Variants in OGT observed in about 807,000 individuals in gnomAD.
The protein encoded by OGT is UDP-N-acetylglucosamine--peptide N-acetylglucosaminyltransferase 110 kDa subunit.
A neutral mutation model predicts 75.8 loss-of-function variants in OGT; 3 were observed. The observed-to-expected ratio is 0.04, with a 90% CI of 0.02 to 0.10. The LOEUF is 0.10. Among genes scored for constraint, OGT ranks in the 10% least tolerant of loss-of-function variants. The pLI is 1.00. For missense variants in OGT, 260 were observed against 824.4 expected (o/e 0.32, Z 8.38); for synonymous variants, 257 against 289.7 (o/e 0.89, Z 1.15).
intron 3 of OGT, among the ~76,000 whole-genome samples, chrX:71,538,588 C>T (rs2040196306): frequency 8.9e-6 from 1 of 112,102 alleles, no homozygotes; most frequent in South Asian, 3.6e-4. Flanking sequence ...ACTACTTATA[C>T]TGGGCTTTTG....
chrX:71,557,847 C>A (rs763484295), intron 12 of OGT, among the ~76,000 whole-genome samples, 175 bp downstream of exon 12: 76 of 111,979 alleles, frequency 6.8e-4, no homozygotes, highest in Middle Eastern at 4.6e-3. Flanking sequence ...GAGTATAACC[C>A]CCTGCACTTC....
intron 21 of OGT, among the ~76,000 whole-genome samples, chrX:71,569,414 C>G (rs1210007133): frequency 8.9e-6 from 1 of 112,154 alleles, no homozygotes; most frequent in Non-Finnish European, 1.9e-5. Flanking sequence ...AACTTAAATG[C>G]CTGAAAATGA....
Position 71,563,409 on chromosome X carries a change from T to G in OGT, c.2346T>G (p.Ile782Met). Residue 782 changes from isoleucine to methionine, a missense_variant, in exon 18 of 22, where the codon ATT becomes ATG. Transcript: ENST00000373719. ...LNMPVIPMNT[I>M]AEAVIEMINR... ...TGCCTGTTATTCCTATGAATACTAT[T>G]GCAGAAGCAGTTATTGAAATGATTA... 2 of 1,203,441 alleles carry G rather than the reference T, an allele frequency of 1.7e-6. No individual in the cohort carries two copies. The highest frequency in any genetic ancestry group is 1.7e-5 in the African/African-American group (1 of 57,746).
chrX:71,564,687 C>T lies in OGT; in HGVS notation c.2523C>T (p.Ala841=), dbSNP rs377314560. The part of the protein sequence containing the change: ...TRSQYGLPED[A]IVYCNFNQLY... Reference sequence around the variant, plus strand: ...CTCAGTACGGGTTACCAGAAGATGCCATCGTATACTGTAACTTTAATCAGT... The same window carrying T: ...CTCAGTACGGGTTACCAGAAGATGCTATCGTATACTGTAACTTTAATCAGT... The change falls in exon 19 of 22, where the codon GCC becomes GCT. Residue 841 remains alanine, a synonymous_variant. Coordinates refer to ENST00000373719, the MANE Select transcript of OGT (RefSeq NM_181672.3). 5.0e-6 allele frequency: 6 copies of T among 1,200,626 alleles called. No individual in the cohort carries two copies. Among genetic ancestry groups the T allele is most frequent in the Non-Finnish European group, 6.8e-6 (6 of 887,123 alleles).
chrX:71,556,545 T>C, intron 8 of OGT, 135 bp from the exon 9 acceptor site: 1 of 398,257 alleles, frequency 2.5e-6, no homozygotes, highest in Non-Finnish European at 4.4e-6. Context: ...AATTTGAGAA[T>C]GAATAGACTT....
chrX:71,570,284 C>T (rs749902035), intron 21 of OGT, among the ~76,000 whole-genome samples: 1 of 110,770 alleles, frequency 9.0e-6, no homozygotes, highest in South Asian at 3.8e-4. Flanking sequence ...CGTGATCCAC[C>T]CACCTTGGCC....
intron 21 of OGT, among the ~76,000 whole-genome samples, chrX:71,572,253 A>G (rs910804081): frequency 1.8e-5 from 2 of 112,063 alleles, no homozygotes; most frequent in Non-Finnish European, 3.8e-5. Flanking sequence ...AAATGGAACT[A>G]TGTCAATATG....
At chrX:71,542,747 A>C (rs760357113) in intron 3 of OGT, among the ~76,000 whole-genome samples, 1 of 112,616 alleles carries the variant, frequency 8.9e-6, no homozygotes, top group African/African-American at 3.2e-5. Context: ...GGATTGGATT[A>C]TGCAGTCATG....
chrX:71,533,748 A>G (rs1455811267), intron 1 of OGT, among the ~76,000 whole-genome samples: 45 of 101,416 alleles, frequency 4.4e-4, no homozygotes, highest in African/African-American at 1.6e-3. Context: ...CTCCTCCTTC[A>G]TCTCCCCCCC....
At chrX:71,535,771 T>C (rs1320095680) in intron 1 of OGT, among the ~76,000 whole-genome samples, 1 of 112,163 alleles carries the variant, frequency 8.9e-6, no homozygotes, top group African/African-American at 3.2e-5. Flanking sequence ...GTTATTCTGA[T>C]ATTATTAAGT....
chrX:71,547,501 G>A (rs900033383), intron 4 of OGT: 2 of 778,567 alleles, frequency 2.6e-6, no homozygotes, highest in Non-Finnish European at 3.0e-6. Flanking sequence ...GGGAAACAGT[G>A]GGGGTAGGAA....
rs1387058741 is a variant in OGT at position 71,575,498 on chromosome X, T to C, written c.*1704T>C. ...TATTTTTTACCGGTTGATTGAAATA[T>C]CAGTTAAAGGTTGCCAGCATGGTTG... On this transcript the variant is annotated 3_prime_UTR_variant, in exon 22 of 22. Transcript: ENST00000373719. The C allele has an allele frequency of 1.8e-5, 2 of 112,822 alleles. No homozygotes were observed. The highest frequency in any genetic ancestry group is 3.8e-5 in the Non-Finnish European group (2 of 53,329). 9.3% of individuals were successfully genotyped at this position (112,822 alleles called of 1,213,427 possible).
chrX:71,559,239 A>G, intron 12 of OGT, 28 bp from the exon 13 acceptor site: 2 of 1,185,539 alleles, frequency 1.7e-6, no homozygotes, highest in South Asian at 3.7e-5. Context: ...TGTAGATTTT[A>G]CTAACAAGCA....
At chrX:71,554,830 T>G (rs2040331487) in intron 6 of OGT, among the ~76,000 whole-genome samples, 1 of 112,229 alleles carries the variant, frequency 8.9e-6, no homozygotes, top group Non-Finnish European at 1.9e-5. Context: ...TTGAAATTTT[T>G]TTATTGTTAA....
intron 5 of OGT, among the ~76,000 whole-genome samples, chrX:71,550,893 TG>T (rs753613537): frequency 1.9e-4 from 20 of 105,020 alleles, no homozygotes; most frequent in African/African-American, 3.5e-5. Context: ...TGGTGAGGCT[TG>T]GGGGGGTGGA....
At position 71,557,604 on chromosome X, in the gene OGT, C is replaced by T; in HGVS notation, c.1534C>T (p.Leu512=). ...TTCTGTGCATCCTCATCATAGTATG[C>T]TATATCCTCTTTCTCATGGCTTCAG... The part of the protein sequence containing the change: ...LPSVHPHHSM[L]YPLSHGFRKA... The change falls in exon 12 of 22, where the codon CTA becomes TTA. Residue 512 remains leucine (L), a synonymous_variant. Coordinates refer to ENST00000373719, the MANE Select transcript of OGT (RefSeq NM_181672.3). 8.3e-7 allele frequency: 1 copy of T among 1,210,054 alleles called. No individual in the cohort carries two copies.
intron 7 of OGT, among the ~76,000 whole-genome samples, chrX:71,555,646 C>CT (rs995404550): frequency 8.9e-6 from 1 of 112,036 alleles, no homozygotes; most frequent in Non-Finnish European, 1.9e-5. Flanking sequence ...CGATTGAGTC[C>CT]TGGGAGGTTG....
intron 19 of OGT, among the ~76,000 whole-genome samples, chrX:71,565,818 G>A (rs1172558279): frequency 8.9e-6 from 1 of 112,199 alleles, no homozygotes; most frequent in Non-Finnish European, 1.9e-5. Context: ...TTATTTATAC[G>A]AACTGGCAGT....
rs1358406811 is a variant in OGT at position 71,575,589 on chromosome X, G to GCC, written c.*1797_*1798dup. The stretch of plus-strand genomic sequence containing the variant: ...TGGAATAGGATAATATACTTCCAAT[G>GCC]CCCTCAAGGCTGTGACCTTACAGCC... On this transcript the variant is annotated 3_prime_UTR_variant, in exon 22 of 22. Transcript: ENST00000373719. 2 of 112,593 alleles carry GCC rather than the reference G, an allele frequency of 1.8e-5. No homozygotes were observed. Among genetic ancestry groups the GCC allele is most frequent in the Admixed American group, 1.9e-4 (2 of 10,606 alleles). 9.3% of individuals were successfully genotyped at this position (112,593 alleles called of 1,213,427 possible).
Sources: allele counts gnomAD v4.1 joint callset (sites outside exome capture counted in the v4.1 genomes callset), GRCh38; gene constraint gnomAD v4.1.1; transcripts MANE v1.5; gene names NCBI Gene and HGNC (gene_info 2026-07-23, HGNC 2026-07-21).